Variants in TTC23L observed in about 807,000 individuals in gnomAD.
TTC23L encodes tetratricopeptide repeat protein 23-like.
In TTC23L, 42 loss-of-function variants were observed where a neutral mutation model predicts 48.1. The ratio of observed to expected loss-of-function variants is 0.87; its 90% CI spans 0.68 to 1.13. The LOEUF (loss-of-function observed/expected upper bound fraction) is 1.13, where lower values mean the gene tolerates loss of function less well. Among genes scored for constraint, TTC23L ranks in the 50% most tolerant of loss-of-function variants. TTC23L has a pLI of 0.00. For missense variants in TTC23L, 391 were observed against 421.0 expected, an observed-to-expected ratio of 0.93 and a Z score of 0.62; for synonymous variants, 159 against 157.2, an observed-to-expected ratio of 1.01 and a Z score of -0.09.
chr5:34,889,728 AT>A (rs1762738168), intron 9 of TTC23L, among the ~76,000 whole-genome samples: 1 of 152,222 alleles, frequency 6.6e-6, no homozygotes, highest in African/African-American at 2.4e-5. Flanking sequence ...AACTGTAAAA[AT>A]ATTAATAACT....
rs201773490 is a variant in TTC23L, at chr5:34,894,909, TGATG to T, written c.1078-1860_1078-1857del. On this transcript the variant is annotated intron_variant, in intron 9 of 10. Coordinates refer to ENST00000505624, the Ensembl canonical transcript of TTC23L. ...ATGATGATGATGATGATGATGATGA[TGATG>T]ATGTTAATGGTGATGATGAAGATGA... is the stretch of plus-strand genomic sequence containing the variant. Among the ~76,000 whole-genome samples, 44 of 151,938 alleles carry T rather than the reference TGATG, an allele frequency of 2.9e-4. No homozygotes were observed. The East Asian group carries it at 6.6e-3, about 23-fold the overall frequency.
chr5:34,866,196 G>A (rs1200589629), intron 6 of TTC23L, among the ~76,000 whole-genome samples: 1 of 152,162 alleles, frequency 6.6e-6, no homozygotes, highest in Non-Finnish European at 1.5e-5. Flanking sequence ...TATGAAGAAC[G>A]AATAAGCCGA....
Position 34,863,502 on chromosome 5 carries a change from A to G in TTC23L, c.536+448A>G, listed in dbSNP as rs1444121379. Among the ~76,000 whole-genome samples, 2 of 152,170 alleles carry G rather than the reference A, an allele frequency of 1.3e-5. No homozygotes were observed. The highest frequency in any genetic ancestry group is 6.5e-5 in the Admixed American group (1 of 15,280). ...ATTTCTGCTGTCTGTTCCTGCCCCA[A>G]AGATTTTGACTGAGAGGCTCTGAGG... On this transcript the variant is annotated intron_variant, in intron 5 of 10. Coordinates refer to ENST00000505624, the Ensembl canonical transcript of TTC23L. The surrounding 1 kb of genome is among the most constrained non-coding windows in gnomAD (Gnocchi z 4.1).
At chr5:34,882,654 C>T (rs931540463) in intron 9 of TTC23L, among the ~76,000 whole-genome samples, 2 of 135,938 alleles carry the variant, frequency 1.5e-5, no homozygotes, top group African/African-American at 5.0e-5. Context: ...CACACACACA[C>T]ACACAATATC....
chr5:34,870,108 G>A (rs1456009851), intron 8 of TTC23L, among the ~76,000 whole-genome samples: 1 of 151,512 alleles, frequency 6.6e-6, no homozygotes, highest in Non-Finnish European at 1.5e-5. Context: ...AGATTTCAAG[G>A]CCACCTCATT....
At chr5:34,879,473 C>T (rs1035130019) in intron 8 of TTC23L, among the ~76,000 whole-genome samples, 19 of 152,154 alleles carry the variant, frequency 1.2e-4, no homozygotes, top group African/African-American at 1.9e-4. Context: ...TATAAAATCA[C>T]AACTTACTCC....
intron 3 of TTC23L, among the ~76,000 whole-genome samples, chr5:34,846,074 C>T (rs1389882663): frequency 6.6e-6 from 1 of 152,112 alleles, no homozygotes; most frequent in Non-Finnish European, 1.5e-5. Flanking sequence ...GTCCCATCTA[C>T]TTGGGAAGCT....
intron 9 of TTC23L, among the ~76,000 whole-genome samples, chr5:34,895,862 T>C (rs1763190682): frequency 2.6e-5 from 4 of 152,358 alleles, no homozygotes; most frequent in South Asian, 4.1e-4. Context: ...GTATGTTCCA[T>C]AAGCTGGGTT....
intron 9 of TTC23L, among the ~76,000 whole-genome samples, chr5:34,881,568 G>C (rs963082271): frequency 6.6e-6 from 1 of 152,096 alleles, no homozygotes; most frequent in Admixed American, 6.6e-5. Context: ...TTTAAGAGTA[G>C]AGTTACAGGC....
At chr5:34,847,497 T>C (rs1463838551) in intron 3 of TTC23L, among the ~76,000 whole-genome samples, 1 of 115,458 alleles carries the variant, frequency 8.7e-6, no homozygotes, top group Non-Finnish European at 1.8e-5. Flanking sequence ...TTTTTTTTTT[T>C]TAAATCAAAC....
At chr5:34,846,576 A>AAAAAAAAAATATATATATATAT (rs1208315692) in intron 3 of TTC23L, among the ~76,000 whole-genome samples, 1 of 98,346 alleles carries the variant, frequency 1.0e-5, no homozygotes, top group Admixed American at 9.6e-5. Flanking sequence ...AAAAAAAAAA[A>AAAAAAAAAATATATATATATAT]ATATATATAT....
chr5:34,892,761 T>G (rs560259312), intron 9 of TTC23L, among the ~76,000 whole-genome samples: 46 of 152,198 alleles, frequency 3.0e-4, no homozygotes, highest in African/African-American at 1.0e-3. Context: ...CATAGTGGCG[T>G]AGATACCCGA....
chr5:34,870,362 T>C (rs1328250828), intron 8 of TTC23L, among the ~76,000 whole-genome samples: 2 of 152,166 alleles, frequency 1.3e-5, no homozygotes, highest in Non-Finnish European at 2.9e-5. Context: ...GTCTAAAGTT[T>C]CTATCTGTCA....
At chr5:34,925,593 A>AAAT in the TTC23L span, 1 of 1,013,086 alleles carries the variant, frequency 9.9e-7, no homozygotes, top group Non-Finnish European at 1.4e-6. Flanking sequence ...ACGTCTAATT[A>AAAT]GTGTAGCATT....
intron 4 of TTC23L, among the ~76,000 whole-genome samples, chr5:34,850,751 G>A (rs1561124282): frequency 6.6e-6 from 1 of 152,114 alleles, no homozygotes; most frequent in Non-Finnish European, 1.5e-5. Context: ...GTTCCTGGAA[G>A]GTTTGGCTTA....
the TTC23L span, among the ~76,000 whole-genome samples, chr5:34,912,574 C>T: frequency 6.6e-6 from 1 of 152,148 alleles, no homozygotes; most frequent in Admixed American, 6.5e-5. Flanking sequence ...TTTTTCCTAG[C>T]TAATCTCCAG....
the TTC23L span, chr5:34,908,883 C>G: frequency 6.2e-7 from 1 of 1,612,850 alleles, no homozygotes; most frequent in Non-Finnish European, 8.5e-7. Context: ...GTTATCTGTC[C>G]GAATAGATAC....
chr5:34,852,735 G>A (rs1759776924), intron 4 of TTC23L, among the ~76,000 whole-genome samples: 2 of 152,124 alleles, frequency 1.3e-5, no homozygotes, highest in Non-Finnish European at 2.9e-5. Context: ...AAGACCAAGT[G>A]GTGGGGTGTA....
At chr5:34,922,372 T>C in the TTC23L span, 2 of 985,674 alleles carry the variant, frequency 2.0e-6, no homozygotes, top group East Asian at 2.4e-5. Flanking sequence ...TCCTAGTGTT[T>C]CATGTTAAGG....
Sources: allele counts gnomAD v4.1 joint callset (sites outside exome capture counted in the v4.1 genomes callset), GRCh38; gene constraint gnomAD v4.1.1; non-coding constraint Gnocchi (gnomAD v3.1); transcripts MANE v1.5; gene names NCBI Gene and HGNC (gene_info 2026-07-23, HGNC 2026-07-21).